CADPS2: variants seen among roughly 807,000 people sequenced by gnomAD.
CADPS2 encodes the protein calcium dependent secretion activator 2, also known as calcium-dependent secretion activator 2.
In CADPS2, 93 loss-of-function variants were observed where a neutral mutation model predicts 172.5. That is an observed-to-expected ratio of 0.54 (90% CI 0.46 to 0.64). The LOEUF is 0.64. Among genes scored for constraint, CADPS2 ranks in the 30% least tolerant of loss-of-function variants. The probability of loss-of-function intolerance (pLI) is 0.00; values close to 1 mark genes in which losing one functional copy is unlikely to be tolerated. For synonymous variants in CADPS2, 546 were observed against 555.2 expected, an observed-to-expected ratio of 0.98 and a Z score of 0.23; for missense variants, 1,420 against 1,565.9, an observed-to-expected ratio of 0.91 and a Z score of 1.57.
intron 1 of CADPS2, among the ~76,000 whole-genome samples, chr7:122,840,796 A>C (rs947073697): frequency 6.6e-6 from 1 of 152,144 alleles, no homozygotes; most frequent in Admixed American, 6.5e-5. Flanking sequence ...AAAATTTTTG[A>C]ATGTGATATG....
chr7:122,471,587 A>G (rs1402568322), intron 13 of CADPS2, 25 bp from the exon 14 acceptor site: 6 of 1,523,526 alleles, frequency 3.9e-6, no homozygotes, highest in Middle Eastern at 1.7e-4. Context: ...AAGAATAGAT[A>G]TACATGTTTT....
chr7:122,610,089 GAAAGGCTATTTTAAATT>G (rs923073235), intron 6 of CADPS2, among the ~76,000 whole-genome samples: 2 of 151,520 alleles, frequency 1.3e-5, no homozygotes, highest in Non-Finnish European at 2.9e-5. Flanking sequence ...GGGAAACACA[GAAAGGCTATTTTAAATT>G]AAAGGCTATT....
intron 1 of CADPS2, among the ~76,000 whole-genome samples, chr7:122,817,739 C>T (rs1271275616): frequency 6.6e-6 from 1 of 152,008 alleles, no homozygotes; most frequent in Non-Finnish European, 1.5e-5. Flanking sequence ...TTCTCCTTCA[C>T]TCTTAGCGGC....
At chr7:122,446,923 A>G (rs1162836063) in intron 15 of CADPS2, among the ~76,000 whole-genome samples, 1 of 151,720 alleles carries the variant, frequency 6.6e-6, no homozygotes, top group Non-Finnish European at 1.5e-5. Flanking sequence ...CTTTATGTTT[A>G]ATGTCTTGAA....
At chr7:122,590,594 T>C (rs1454185286) in intron 6 of CADPS2, among the ~76,000 whole-genome samples, 1 of 151,864 alleles carries the variant, frequency 6.6e-6, no homozygotes, top group South Asian at 2.1e-4. Flanking sequence ...TTCATATATA[T>C]TCATATATAA....
At chr7:122,625,102 G>A (rs1251346182) in intron 4 of CADPS2, among the ~76,000 whole-genome samples, 2 of 151,688 alleles carry the variant, frequency 1.3e-5, no homozygotes, top group Non-Finnish European at 2.9e-5. Flanking sequence ...CCAAGCTGGA[G>A]TGCAATGGCA....
chr7:122,714,303 A>G (rs146960797), intron 2 of CADPS2, among the ~76,000 whole-genome samples: 253 of 152,256 alleles, frequency 1.7e-3, no homozygotes, highest in African/African-American at 5.8e-3. Flanking sequence ...GTAGCAGTCT[A>G]TACCTACAAG....
chr7:122,859,256 G>C (rs532662969), intron 1 of CADPS2, among the ~76,000 whole-genome samples: 23 of 152,282 alleles, frequency 1.5e-4, no homozygotes, highest in African/African-American at 5.3e-4. Context: ...TTTTATAGAT[G>C]ATTGACTGAA....
intron 15 of CADPS2, among the ~76,000 whole-genome samples, chr7:122,450,274 G>A (rs2052887248): frequency 1.3e-5 from 2 of 151,958 alleles, no homozygotes; most frequent in South Asian, 2.1e-4. Context: ...TATTCACTAA[G>A]TTTATTTTTT....
chr7:122,345,250 C>T (rs2037395405), intron 28 of CADPS2, among the ~76,000 whole-genome samples: 1 of 152,088 alleles, frequency 6.6e-6, no homozygotes, highest in African/African-American at 2.4e-5. Flanking sequence ...TGCAGCCTCT[C>T]GAGTAGCTGG....
intron 1 of CADPS2, among the ~76,000 whole-genome samples, chr7:122,835,294 C>T (rs1808009413): frequency 6.6e-6 from 1 of 152,182 alleles, no homozygotes. Context: ...ACATCACCAT[C>T]ATCAAAGACC....
chr7:122,802,878 A>G (rs2139993600), intron 1 of CADPS2, among the ~76,000 whole-genome samples: 1 of 152,374 alleles, frequency 6.6e-6, no homozygotes, highest in African/African-American at 2.4e-5. Flanking sequence ...AACGTAGAGC[A>G]CAATTCCATT....
intron 25 of CADPS2, among the ~76,000 whole-genome samples, chr7:122,371,214 T>G (rs1391386044): frequency 6.6e-6 from 1 of 152,152 alleles, no homozygotes; most frequent in African/African-American, 2.4e-5. Flanking sequence ...AATCGGTATT[T>G]TGGAAAGATA....
At chr7:122,749,654 T>A (rs2092865165) in intron 1 of CADPS2, among the ~76,000 whole-genome samples, 1 of 152,134 alleles carries the variant, frequency 6.6e-6, no homozygotes, top group East Asian at 1.9e-4. Flanking sequence ...TTATTACTCC[T>A]TTTATAATAA....
chr7:122,688,086 G>A (rs1039933753), intron 2 of CADPS2, among the ~76,000 whole-genome samples: 7 of 152,044 alleles, frequency 4.6e-5, no homozygotes, highest in Non-Finnish European at 7.4e-5. Context: ...ATAACATAGC[G>A]GCCCAAGCCA....
intron 1 of CADPS2, among the ~76,000 whole-genome samples, chr7:122,879,360 A>AC (rs1248902172): frequency 6.6e-6 from 1 of 151,232 alleles, no homozygotes; most frequent in Admixed American, 6.6e-5. Flanking sequence ...ATATGGTGAA[A>AC]CCCCGTCTCT....
At chr7:122,439,106 A>T (rs910456736) in intron 16 of CADPS2, among the ~76,000 whole-genome samples, 1 of 152,168 alleles carries the variant, frequency 6.6e-6, no homozygotes, top group Non-Finnish European at 1.5e-5. Flanking sequence ...GTTTTAAAAA[A>T]TAACTGATTA....
intron 7 of CADPS2, among the ~76,000 whole-genome samples, chr7:122,579,776 G>A (rs1034139918): frequency 2.6e-5 from 4 of 151,870 alleles, no homozygotes; most frequent in African/African-American, 7.3e-5. Flanking sequence ...GCACAAATAC[G>A]TAAGCACATG....
At chr7:122,607,813 CT>C (rs1465204600) in intron 6 of CADPS2, among the ~76,000 whole-genome samples, 1 of 151,986 alleles carries the variant, frequency 6.6e-6, no homozygotes, top group Non-Finnish European at 1.5e-5. Flanking sequence ...AATGTTACTT[CT>C]AATGAATTTA....
Sources: allele counts gnomAD v4.1 joint callset (sites outside exome capture counted in the v4.1 genomes callset), GRCh38; gene constraint gnomAD v4.1.1; transcripts MANE v1.5; gene names NCBI Gene and HGNC (gene_info 2026-07-23, HGNC 2026-07-21).